Variants in IGSF11 observed in about 807,000 individuals in gnomAD.
The protein encoded by IGSF11 is CXADR like 1.
A neutral mutation model predicts 41.0 loss-of-function variants in IGSF11; 22 were observed. That is an observed-to-expected ratio of 0.54 (90% confidence interval 0.38 to 0.77). The LOEUF (loss-of-function observed/expected upper bound fraction) is 0.77. Ranked by LOEUF, IGSF11 falls within the 30% of genes least tolerant of loss-of-function variation. IGSF11 has a pLI of 0.00. For synonymous variants in IGSF11, 219 were observed against 201.3 expected (o/e 1.09, Z -0.74); for missense variants, 444 against 530.8 (o/e 0.84, Z 1.61).
chr3:119,017,039 C>CA (rs60190891), intron 1 of IGSF11, among the ~76,000 whole-genome samples: 21,169 of 88,110 alleles, frequency 0.24, 2,776 homozygotes, highest in African/African-American at 0.36. Flanking sequence ...GGACGCAGGA[C>CA]AAAAAAAAAA....
chr3:119,064,758 G>A (rs1054841847), intron 1 of IGSF11, among the ~76,000 whole-genome samples: 10 of 151,584 alleles, frequency 6.6e-5, no homozygotes, highest in African/African-American at 9.7e-5. Context: ...TTTATTGCTC[G>A]TATGTGACAT....
At chr3:119,123,218 C>T (rs1179691571) in intron 1 of IGSF11, among the ~76,000 whole-genome samples, 2 of 152,176 alleles carry the variant, frequency 1.3e-5, no homozygotes, top group Non-Finnish European at 2.9e-5. Flanking sequence ...CAGTACTTTC[C>T]GTGGGCCTGT....
At chr3:119,037,049 G>T (rs754572372), upstream of IGSF11, among the ~76,000 whole-genome samples, 3 of 152,128 alleles carry the variant, frequency 2.0e-5, no homozygotes, top group Non-Finnish European at 4.4e-5. Flanking sequence ...GGCTTCCAAG[G>T]ACACTCTCCC....
At chr3:118,962,117 C>T (rs112453195) in intron 1 of IGSF11, among the ~76,000 whole-genome samples, 1,788 of 152,220 alleles carry the variant, frequency 0.012, 39 homozygotes, top group African/African-American at 0.04. Context: ...CTACATATTC[C>T]TGTGCTTAAA....
intron 1 of IGSF11, among the ~76,000 whole-genome samples, chr3:119,050,879 A>T: frequency 6.6e-6 from 1 of 151,844 alleles, no homozygotes. Context: ...CATCATTCTC[A>T]GTAAACTATC....
chr3:118,930,089 A>T (rs543118697), intron 2 of IGSF11, 23 bp downstream of exon 2: 1 of 1,601,380 alleles, frequency 6.2e-7, no homozygotes, highest in Non-Finnish European at 8.5e-7. Context: ...TTTTAGAGGT[A>T]GCACAGGATG....
chr3:118,925,379 A>G (rs947658478), intron 4 of IGSF11, among the ~76,000 whole-genome samples: 7 of 152,216 alleles, frequency 4.6e-5, no homozygotes, highest in African/African-American at 1.4e-4. Flanking sequence ...ATCTACCCTG[A>G]GAATACTACA....
At chr3:119,076,647 A>G (rs1249746525) in intron 1 of IGSF11, among the ~76,000 whole-genome samples, 2 of 152,240 alleles carry the variant, frequency 1.3e-5, no homozygotes, top group Non-Finnish European at 2.9e-5. Context: ...TGCAGCCAAC[A>G]GACATACGAA....
intron 1 of IGSF11, among the ~76,000 whole-genome samples, chr3:118,975,093 A>G (rs1933920832): frequency 6.6e-6 from 1 of 152,206 alleles, no homozygotes; most frequent in Non-Finnish European, 1.5e-5. Context: ...CTCTAATTAC[A>G]TGAAGAACAT....
At chr3:119,137,582 C>T (rs1263347924) in intron 1 of IGSF11, among the ~76,000 whole-genome samples, 1 of 152,012 alleles carries the variant, frequency 6.6e-6, no homozygotes, top group Non-Finnish European at 1.5e-5. Context: ...AAATTAAAGA[C>T]AAATCTAAGA....
At chr3:118,960,044 CA>C (rs199913346) in intron 1 of IGSF11, among the ~76,000 whole-genome samples, 6,996 of 81,016 alleles carry the variant, frequency 0.086, 190 homozygotes, top group South Asian at 0.25. Flanking sequence ...GACTCCGTCT[CA>C]AAAAAAAAAA....
At chr3:118,966,995 A>G (rs1945729673) in intron 1 of IGSF11, among the ~76,000 whole-genome samples, 1 of 152,136 alleles carries the variant, frequency 6.6e-6, no homozygotes, top group Non-Finnish European at 1.5e-5. Flanking sequence ...TAAGCTAAGA[A>G]AGGGAAAGGA....
chr3:118,945,565 G>C (rs1040757581), intron 1 of IGSF11, among the ~76,000 whole-genome samples: 1 of 152,154 alleles, frequency 6.6e-6, no homozygotes, highest in Non-Finnish European at 1.5e-5. Context: ...TGAAACCACA[G>C]AGTGCCGGAA....
chr3:118,937,565 T>C (rs1943375133), intron 1 of IGSF11, among the ~76,000 whole-genome samples: 1 of 152,186 alleles, frequency 6.6e-6, no homozygotes, highest in Non-Finnish European at 1.5e-5. Context: ...ATCTACTCAG[T>C]GCTAAGTGAA....
rs112188046 is a variant in IGSF11 at position 119,001,006 on chromosome 3, G to A, written c.52+33525C>T. 8.5e-3 allele frequency among the ~76,000 whole-genome samples: 1,291 copies of A among 152,188 alleles called. 27 individuals carry two copies. Among genetic ancestry groups the A allele is most frequent in the African/African-American group, 0.03 (1,236 of 41,526 alleles). On this transcript the variant is annotated intron_variant, in intron 1 of 6. Coordinates refer to ENST00000393775, the MANE Select transcript of IGSF11 (RefSeq NM_001015887.3). ...ATAATATTCCTTGCCTATTCTGACT[G>A]TTTCTCCAGCAGTGTTTTTGCTGTT...
chr3:119,020,428 A>G (rs1360082497), intron 1 of IGSF11, among the ~76,000 whole-genome samples: 1 of 152,230 alleles, frequency 6.6e-6, no homozygotes, highest in East Asian at 1.9e-4. Context: ...CAAAGAACAC[A>G]TACTACCAGG....
intron 1 of IGSF11, among the ~76,000 whole-genome samples, chr3:119,023,016 C>T (rs1255282710): frequency 6.6e-6 from 1 of 151,900 alleles, no homozygotes; most frequent in Non-Finnish European, 1.5e-5. Flanking sequence ...AACCCCCGCA[C>T]TTTGGGAGGT....
At chr3:118,966,222 C>A (rs768609296) in intron 1 of IGSF11, among the ~76,000 whole-genome samples, 2 of 152,150 alleles carry the variant, frequency 1.3e-5, no homozygotes, top group African/African-American at 2.4e-5. Flanking sequence ...AGGGACCATA[C>A]AAATGTGTGG....
intron 1 of IGSF11, among the ~76,000 whole-genome samples, chr3:118,950,233 T>C (rs533344277): frequency 6.6e-6 from 1 of 152,214 alleles, no homozygotes; most frequent in African/African-American, 2.4e-5. Flanking sequence ...AGAGAAACAA[T>C]CCTATCCACT....
Sources: allele counts gnomAD v4.1 joint callset (sites outside exome capture counted in the v4.1 genomes callset), GRCh38; gene constraint gnomAD v4.1.1; transcripts MANE v1.5; gene names NCBI Gene and HGNC (gene_info 2026-07-23, HGNC 2026-07-21).